Variants in IL1RL2 observed in about 807,000 individuals in gnomAD.
IL1RL2 encodes the protein interleukin 1 receptor like 2.
In IL1RL2, 68 loss-of-function variants were observed where a neutral mutation model predicts 66.8. The ratio of observed to expected loss-of-function variants is 1.02; its 90% CI spans 0.84 to 1.25. The LOEUF (loss-of-function observed/expected upper bound fraction) is 1.25. Among genes scored for constraint, IL1RL2 ranks in the 50% most tolerant of loss-of-function variants. The pLI is 0.00. For missense variants in IL1RL2, 729 were observed against 709.3 expected (o/e 1.03, Z -0.32); for synonymous variants, 305 against 264.6 (o/e 1.15, Z -1.48).
chr2:102,215,858 A>C (rs1689569744), intron 6 of IL1RL2, among the ~76,000 whole-genome samples: 1 of 152,270 alleles, frequency 6.6e-6, no homozygotes, highest in South Asian at 2.1e-4. Context: ...GCTAGGATGC[A>C]TCTACAGAAA....
intron 10 of IL1RL2, among the ~76,000 whole-genome samples, chr2:102,234,293 G>A (rs192209830): frequency 2.8e-4 from 43 of 152,254 alleles, no homozygotes; most frequent in African/African-American, 9.9e-4. Flanking sequence ...CTAGTCTGGG[G>A]ATACAGAGTT....
chr2:102,233,172 G>T (rs367780253), intron 10 of IL1RL2, 48 bp downstream of exon 10: 1 of 1,546,562 alleles, frequency 6.5e-7, no homozygotes, highest in South Asian at 1.2e-5. Context: ...GAAGGAAAGC[G>T]ACCCCTCTGT....
chr2:102,228,547 G>A (rs1344933697), intron 9 of IL1RL2, among the ~76,000 whole-genome samples: 7 of 152,162 alleles, frequency 4.6e-5, no homozygotes, highest in Non-Finnish European at 1.0e-4. Context: ...GTGTGTACGA[G>A]GATGGAAGGG....
chr2:102,197,476 T>G (rs977015745), intron 4 of IL1RL2, among the ~76,000 whole-genome samples: 1 of 152,188 alleles, frequency 6.6e-6, no homozygotes, highest in East Asian at 1.9e-4. Context: ...GTTGAATGGA[T>G]AGAAAGTTCA....
chr2:102,195,465 C>T (rs893310308), intron 4 of IL1RL2, among the ~76,000 whole-genome samples: 3 of 151,962 alleles, frequency 2.0e-5, no homozygotes, highest in South Asian at 2.1e-4. Flanking sequence ...GTTCTTTTCA[C>T]GTTGCTTTGC....
intron 11 of IL1RL2, 94 bp downstream of exon 11, chr2:102,235,371 G>A (rs748928094): frequency 1.2e-5 from 18 of 1,525,286 alleles, no homozygotes; most frequent in South Asian, 2.5e-5. Context: ...ACGTTTCATC[G>A]GGGCCGTCTG....
chr2:102,217,913 G>T (rs1239380891), intron 6 of IL1RL2, among the ~76,000 whole-genome samples: 1 of 152,070 alleles, frequency 6.6e-6, no homozygotes, highest in African/African-American at 2.4e-5. Flanking sequence ...GACAACAAAA[G>T]TTAAAATAGA....
chr2:102,202,350 A>T (rs1688333696), intron 5 of IL1RL2, among the ~76,000 whole-genome samples: 2 of 151,588 alleles, frequency 1.3e-5, no homozygotes, highest in Non-Finnish European at 2.9e-5. Context: ...ATATATTTAT[A>T]TATAGTATGT....
At chr2:102,195,778 G>A (rs1299009094) in intron 4 of IL1RL2, among the ~76,000 whole-genome samples, 5 of 148,602 alleles carry the variant, frequency 3.4e-5, no homozygotes, top group Non-Finnish European at 7.4e-5. Context: ...CAGTGGTGCG[G>A]TCTTGACTCA....
chr2:102,197,244 T>C (rs1687865622), intron 4 of IL1RL2, among the ~76,000 whole-genome samples: 1 of 152,182 alleles, frequency 6.6e-6, no homozygotes, highest in South Asian at 2.1e-4. Flanking sequence ...GTTGAAGGCT[T>C]GCAGGAGAGG....
intron 10 of IL1RL2, 83 bp from the exon 11 acceptor site, chr2:102,234,814 C>A (rs1578203917): frequency 7.7e-7 from 1 of 1,299,172 alleles, no homozygotes; most frequent in Non-Finnish European, 1.1e-6. Flanking sequence ...TTTCTCCTGG[C>A]CTGTTTCAAA....
intron 10 of IL1RL2, among the ~76,000 whole-genome samples, 184 bp downstream of exon 10, chr2:102,233,308 T>C (rs961087387): frequency 6.6e-6 from 1 of 152,092 alleles, no homozygotes; most frequent in African/African-American, 2.4e-5. Context: ...CCAAGCTCTT[T>C]GCCTGCTCTA....
chr2:102,195,629 C>CCT (rs1559530278), intron 4 of IL1RL2, among the ~76,000 whole-genome samples: 263 of 17,346 alleles, frequency 0.015, 11 homozygotes, highest in African/African-American at 0.032. Context: ...TTCTTTCTTT[C>CCT]TCTCTCTCTC....
At chr2:102,214,161 C>T (rs1482636255) in intron 6 of IL1RL2, among the ~76,000 whole-genome samples, 3 of 152,122 alleles carry the variant, frequency 2.0e-5, no homozygotes, top group South Asian at 2.1e-4. Flanking sequence ...TCTTTCTCTA[C>T]TCCTGTCTTT....
intron 3 of IL1RL2, among the ~76,000 whole-genome samples, chr2:102,190,200 C>T (rs754316444): frequency 5.7e-4 from 87 of 152,316 alleles, no homozygotes; most frequent in Non-Finnish European, 1.0e-3. Context: ...AGCCCATCTT[C>T]TCACTTTTCA....
At chr2:102,205,908 A>G (rs1156861995) in intron 5 of IL1RL2, among the ~76,000 whole-genome samples, 1 of 152,058 alleles carries the variant, frequency 6.6e-6, no homozygotes, top group African/African-American at 2.4e-5. Flanking sequence ...TCTGTATGCA[A>G]TGCTTCATTG....
At chr2:102,219,458 G>A (rs1434041347) in intron 7 of IL1RL2, among the ~76,000 whole-genome samples, 1 of 152,208 alleles carries the variant, frequency 6.6e-6, no homozygotes, top group East Asian at 1.9e-4. Context: ...CGCCAATGGG[G>A]ACTCTTAGGG....
Position 102,212,159 on chromosome 2 carries a change from A to G in IL1RL2, c.709A>G (p.Ile237Val). The change falls in exon 6 of 12, where the codon ATT (isoleucine) becomes GTT (valine). Residue 237 changes from isoleucine to valine, a missense_variant. Physicochemically the swap from Ile to Val is conservative, Grantham distance 29 (BLOSUM62 3). Coordinates refer to ENST00000264257, the MANE Select transcript of IL1RL2 (RefSeq NM_003854.4). ...AATCATTTATCCAAAAAATCATTCA[A>G]TTGAAGTACAGCTTGGTGAGTAAAA... ...PKIIYPKNHS[I>V]EVQLGTTLIV... 1.9e-6 allele frequency: 3 copies of G among 1,611,282 alleles called. No individual in the cohort carries two copies. Among genetic ancestry groups the G allele is most frequent in the Non-Finnish European group, 2.5e-6 (3 of 1,177,494 alleles).
At chr2:102,230,029 C>T (rs1054636418) in intron 9 of IL1RL2, among the ~76,000 whole-genome samples, 6 of 152,136 alleles carry the variant, frequency 3.9e-5, no homozygotes, top group African/African-American at 1.4e-4. Context: ...TAACTAGTGG[C>T]AGGGTCTGGG....
Sources: gnomAD v4.1 joint callset for allele counts (sites outside exome capture counted in the v4.1 genomes callset) on GRCh38, gnomAD v4.1.1 for gene constraint, MANE v1.5 for transcripts, NCBI Gene and HGNC (gene_info 2026-07-23, HGNC 2026-07-21) for gene names.